Variants in CDH23 observed in about 807,000 individuals in gnomAD.
The protein encoded by CDH23 is cadherin related 23.
A neutral mutation model predicts 317.1 loss-of-function variants in CDH23; 189 were observed. The ratio of observed to expected loss-of-function variants is 0.60; its 90% CI spans 0.53 to 0.67. The LOEUF (loss-of-function observed/expected upper bound fraction) is 0.67. Ranked by LOEUF, CDH23 falls within the 30% of genes least tolerant of loss-of-function variation. CDH23 has a pLI of 0.00. For missense variants in CDH23, 4,401 were observed against 4,592.4 expected (o/e 0.96, Z 1.20); for synonymous variants, 1,839 against 1,876.8 (o/e 0.98, Z 0.52).
intron 38 of CDH23, chr10:71,753,033 T>C (rs1404556616): frequency 6.2e-7 from 1 of 1,609,242 alleles, no homozygotes; most frequent in African/African-American, 1.3e-5. Context: ...AAGCTGGTCA[T>C]GGAAGGGAAG....
chr10:71,788,516 C>G (rs1002614458), intron 44 of CDH23, among the ~76,000 whole-genome samples: 1 of 151,684 alleles, frequency 6.6e-6, no homozygotes. Flanking sequence ...AGTGCAGTGG[C>G]GTGATATCCG....
intron 1 of CDH23, among the ~76,000 whole-genome samples, chr10:71,432,259 AGTGT>A (rs138619173): frequency 6.7e-5 from 10 of 148,700 alleles, no homozygotes; most frequent in African/African-American, 2.3e-4. Context: ...TGTGTTTGAG[AGTGT>A]GTGTGTGCAT....
chr10:71,811,293 G>A, intron 62 of CDH23, 22 bp from the exon 63 acceptor site: 4 of 1,613,724 alleles, frequency 2.5e-6, no homozygotes, highest in Non-Finnish European at 3.4e-6. Flanking sequence ...GAGGAGAGCT[G>A]AGACCCCTGC....
In CDH23 at chr10:71,645,931, G is replaced by A. The variant is rs561032891; in HGVS notation, c.1241G>A (p.Arg414Gln). The change falls in exon 13 of 70, where the codon CGG becomes CAG. Residue 414 changes from arginine to glutamine, a missense_variant. Physicochemically the swap from Arg to Gln is conservative, Grantham distance 43. Around this residue, in one of 3 missense-constraint regions of CDH23, gnomAD observed 3,068 missense variants for 3,203.3 expected, o/e 0.96. Transcript: ENST00000224721. Reference protein sequence around the residue: ...SVQGKADIRIRVAIPLDYETV... With the variant: ...SVQGKADIRIQVAIPLDYETV... Reference sequence around the variant, plus strand: ...CAGGGGAAGGCGGACATTCGTATTCGGGTGGCCATCCCACTGGACTACGAG... The same window carrying A: ...CAGGGGAAGGCGGACATTCGTATTCAGGTGGCCATCCCACTGGACTACGAG... 18 of 1,613,554 alleles carry A rather than the reference G, an allele frequency of 1.1e-5. No homozygotes were observed. In the African/African-American group the frequency reaches 1.3e-4, roughly 12 times the overall value.
chr10:71,696,401 A>G (rs1865393212), intron 22 of CDH23, among the ~76,000 whole-genome samples: 2 of 152,194 alleles, frequency 1.3e-5, no homozygotes, highest in South Asian at 4.1e-4. Context: ...CCTCACTGTA[A>G]TCTCACAAGG....
At chr10:71,651,922 G>T (rs1024019639) in intron 14 of CDH23, among the ~76,000 whole-genome samples, 5 of 152,238 alleles carry the variant, frequency 3.3e-5, no homozygotes, top group African/African-American at 1.2e-4. Flanking sequence ...CCTCTGGGCA[G>T]TGGGAGAGGC....
intron 3 of CDH23, among the ~76,000 whole-genome samples, chr10:71,474,535 G>T (rs1851687973): frequency 6.6e-6 from 1 of 152,206 alleles, no homozygotes; most frequent in Admixed American, 6.5e-5. Flanking sequence ...TGCTCAGAAG[G>T]TGGGCCTTGC....
chr10:71,613,770 C>G (rs1861035530), intron 9 of CDH23, among the ~76,000 whole-genome samples: 1 of 152,194 alleles, frequency 6.6e-6, no homozygotes, highest in African/African-American at 2.4e-5. Flanking sequence ...GGAGCTACAG[C>G]CACTTCCACG....
intron 38 of CDH23, among the ~76,000 whole-genome samples, chr10:71,774,458 C>A (rs949571820): frequency 6.6e-6 from 1 of 152,220 alleles, no homozygotes; most frequent in African/African-American, 2.4e-5. Flanking sequence ...GTCCACACCC[C>A]CTTCAGCTAC....
intron 9 of CDH23, among the ~76,000 whole-genome samples, chr10:71,598,536 G>A (rs1319975337): frequency 1.3e-5 from 2 of 152,184 alleles, no homozygotes; most frequent in Non-Finnish European, 2.9e-5. Context: ...CTTCCCTCCT[G>A]CCGACAGACT....
intron 3 of CDH23, among the ~76,000 whole-genome samples, chr10:71,479,006 G>A (rs1851932519): frequency 1.3e-5 from 2 of 152,132 alleles, no homozygotes; most frequent in Non-Finnish European, 2.9e-5. Flanking sequence ...GGAAGGGAGT[G>A]GCCATTTACC....
chr10:71,446,273 C>G (rs1246493107), intron 2 of CDH23, 45 bp from the exon 3 acceptor site: 2 of 1,571,440 alleles, frequency 1.3e-6, no homozygotes, highest in Non-Finnish European at 1.8e-6. Flanking sequence ...GTGTGTAAAG[C>G]TGATGGGGGG....
At chr10:71,623,581 A>G (rs1861568761) in intron 11 of CDH23, among the ~76,000 whole-genome samples, 1 of 152,190 alleles carries the variant, frequency 6.6e-6, no homozygotes, top group Non-Finnish European at 1.5e-5. Context: ...TGAAATGTGC[A>G]GGGTGGAAGC....
chr10:71,776,025 C>T (rs1202750631), intron 38 of CDH23, among the ~76,000 whole-genome samples: 2 of 152,112 alleles, frequency 1.3e-5, no homozygotes, highest in Non-Finnish European at 2.9e-5. Flanking sequence ...TGACATTTCC[C>T]ACATTCCCAA....
chr10:71,741,282 C>A (rs987031706), intron 37 of CDH23, among the ~76,000 whole-genome samples: 2 of 152,200 alleles, frequency 1.3e-5, no homozygotes, highest in Non-Finnish European at 2.9e-5. Context: ...TCTGCCCTGG[C>A]ATTGCTGGGT....
intron 25 of CDH23, 53 bp from the exon 26 acceptor site, chr10:71,706,844 G>C: frequency 6.5e-7 from 1 of 1,541,800 alleles, no homozygotes; most frequent in Middle Eastern, 1.9e-4. Context: ...TCTGGAGCTG[G>C]GTCTTCTGCG....
chr10:71,481,811 G>A (rs1008829712), intron 3 of CDH23, among the ~76,000 whole-genome samples: 11 of 152,228 alleles, frequency 7.2e-5, no homozygotes, highest in African/African-American at 2.4e-4. Context: ...ACGTGGCTGC[G>A]TGTGGGGTCC....
Position 71,778,404 on chromosome 10 carries a change from G to A in CDH23, c.5187+96G>A, listed in dbSNP as rs1044314407. ...TGCGGGAAGGGGTTAGGGGAAGATT[G>A]TCTGAGGGAAATGCCTAAATCCAAG... On this transcript the variant is annotated intron_variant, in intron 40 of 69. Transcript: ENST00000224721. 18 of 1,498,488 alleles carry A rather than the reference G, an allele frequency of 1.2e-5. No homozygotes were observed. The East Asian group carries it at 3.6e-4, about 30-fold the overall frequency. 92.8% of individuals were successfully genotyped at this position (1,498,488 alleles called of 1,614,324 possible).
At chr10:71,680,380 G>A (rs1864568035) in intron 17 of CDH23, among the ~76,000 whole-genome samples, 1 of 152,206 alleles carries the variant, frequency 6.6e-6, no homozygotes, top group Non-Finnish European at 1.5e-5. Flanking sequence ...GATGTGCGTT[G>A]AGTGACTCTG....
Sources: allele counts gnomAD v4.1 joint callset (sites outside exome capture counted in the v4.1 genomes callset), GRCh38; gene constraint gnomAD v4.1.1; regional missense constraint gnomAD v4.1.1; transcripts MANE v1.5; gene names NCBI Gene and HGNC (gene_info 2026-07-23, HGNC 2026-07-21).